The following GLMN variants were observed in gnomAD, a reference collection of about 807,000 sequenced individuals.
GLMN encodes the protein glomulin.
A neutral mutation model predicts 87.8 loss-of-function variants in GLMN; 75 were observed. That is an observed-to-expected ratio of 0.85 (90% CI 0.71 to 1.04). The LOEUF is 1.04. Among genes scored for constraint, GLMN ranks in the 50% least tolerant of loss-of-function variants. The probability of loss-of-function intolerance (pLI) is 0.00; values close to 1 mark genes in which losing one functional copy is unlikely to be tolerated. For synonymous variants in GLMN, 206 were observed against 221.6 expected (o/e 0.93, Z 0.63); for missense variants, 588 against 658.8 (o/e 0.89, Z 1.18).
chr1:92,249,267 CTTT>C (rs59926635), intron 16 of GLMN, among the ~76,000 whole-genome samples: 6 of 108,368 alleles, frequency 5.5e-5, no homozygotes, highest in African/African-American at 9.2e-5. Flanking sequence ...GATTACTATT[CTTT>C]TTTTTTTTTT....
At chr1:92,332,811 A>G in the GLMN span, among the ~76,000 whole-genome samples, 1 of 152,120 alleles carries the variant, frequency 6.6e-6, no homozygotes, top group South Asian at 2.1e-4. Context: ...CTCAATATCT[A>G]ATTAGAAAAT....
At position 92,267,905 on chromosome 1, in the gene GLMN, T is replaced by G; in HGVS notation, c.1098+8A>C. 8.1e-7 allele frequency: 1 copy of G among 1,239,108 alleles called. No individual in the cohort carries two copies. Among genetic ancestry groups the G allele is most frequent in the Non-Finnish European group, 1.2e-6 (1 of 837,770 alleles). 76.8% of individuals were successfully genotyped at this position (1,239,108 alleles called of 1,614,324 possible). ...TATTTTCAATATTAGAATACATATT[T>G]TATTTACCTGAGGTACAGTAAGAAA... On this transcript the variant is annotated splice_region_variant and intron_variant, in intron 11 of 18. Transcript: ENST00000370360.
At chr1:92,311,076 T>C in the GLMN span, among the ~76,000 whole-genome samples, 1 of 152,222 alleles carries the variant, frequency 6.6e-6, no homozygotes, top group African/African-American at 2.4e-5. Flanking sequence ...TTCTACTCTG[T>C]TGCTTTTTTA....
intron 13 of GLMN, among the ~76,000 whole-genome samples, chr1:92,266,009 T>C (rs772941444): frequency 6.6e-5 from 10 of 152,164 alleles, no homozygotes; most frequent in Middle Eastern, 3.2e-3. Context: ...AGAGCAGTAT[T>C]AGTAAGCTCT....
chr1:92,288,036 G>T (rs1365095735), intron 6 of GLMN, among the ~76,000 whole-genome samples: 2 of 143,334 alleles, frequency 1.4e-5, no homozygotes, highest in Non-Finnish European at 1.5e-5. Context: ...GTATTTTACT[G>T]TTTTTTTTTT....
the GLMN span, among the ~76,000 whole-genome samples, chr1:92,328,109 C>T: frequency 4.5e-4 from 68 of 152,310 alleles, no homozygotes; most frequent in African/African-American, 1.3e-3. Flanking sequence ...TCTTGACTTT[C>T]GATAACCTGA....
At chr1:92,279,119 A>C (rs1386689442) in intron 7 of GLMN, among the ~76,000 whole-genome samples, 1 of 151,738 alleles carries the variant, frequency 6.6e-6, no homozygotes, top group East Asian at 1.9e-4. Context: ...CTCCTTACCC[A>C]GCTTAAATTC....
intron 3 of GLMN, among the ~76,000 whole-genome samples, chr1:92,297,022 G>A (rs1392199983): frequency 6.6e-6 from 1 of 151,574 alleles, no homozygotes; most frequent in Non-Finnish European, 1.5e-5. Context: ...TTCAACTATA[G>A]CAATTATTTA....
chr1:92,306,078 G>A, the GLMN span, among the ~76,000 whole-genome samples: 2 of 152,172 alleles, frequency 1.3e-5, no homozygotes, highest in Admixed American at 1.3e-4. Flanking sequence ...CATGCTACAA[G>A]GTGGATGAAC....
At chr1:92,283,316 T>C (rs1648312457) in intron 7 of GLMN, among the ~76,000 whole-genome samples, 1 of 152,160 alleles carries the variant, frequency 6.6e-6, no homozygotes, top group East Asian at 1.9e-4. Context: ...CGGTTCAACA[T>C]ATGCAAATCA....
In GLMN at chr1:92,269,708, T is replaced by C. The variant is rs538759313; in HGVS notation, c.977+15A>G. 1.9e-6 allele frequency: 3 copies of C among 1,574,098 alleles called. 1 individual carries two copies. The South Asian group carries it at 3.3e-5, about 17-fold the overall frequency. ...ACTACTATTTCATTTTGAGATACCATCTAAACGATCTTACCTTTGCAAAAA... is the reference window on the plus strand; with the variant it reads ...ACTACTATTTCATTTTGAGATACCACCTAAACGATCTTACCTTTGCAAAAA... On this transcript the variant is annotated intron_variant, in intron 9 of 18. Coordinates refer to ENST00000370360, the MANE Select transcript of GLMN (RefSeq NM_053274.3).
chr1:92,304,039 C>T, the GLMN span: 1 of 1,612,906 alleles, frequency 6.2e-7, no homozygotes, highest in Non-Finnish European at 8.5e-7. Context: ...TTGTCAAACT[C>T]TGTGGTTATC....
chr1:92,368,196 C>T, the GLMN span, among the ~76,000 whole-genome samples: 3,027 of 152,126 alleles, frequency 0.02, 96 homozygotes, highest in African/African-American at 0.067. Context: ...CTGGCCAACA[C>T]GCTGAAACCC....
the GLMN span, chr1:92,333,205 CAAA>C: frequency 3.0e-4 from 163 of 543,614 alleles, no homozygotes; most frequent in South Asian, 1.6e-3. Flanking sequence ...GCAAATGACT[CAAA>C]GAAGTTCACA....
At chr1:92,324,114 C>G in the GLMN span, 1 of 1,614,020 alleles carries the variant, frequency 6.2e-7, no homozygotes, top group Non-Finnish European at 8.5e-7. Context: ...GTCTGAAACC[C>G]GAAGCCTCTC....
the GLMN span, among the ~76,000 whole-genome samples, chr1:92,328,173 T>C: frequency 6.6e-6 from 1 of 152,340 alleles, no homozygotes; most frequent in East Asian, 1.9e-4. Context: ...AGGTGTTCTT[T>C]GAGCTTCTTG....
the GLMN span, among the ~76,000 whole-genome samples, chr1:92,339,720 T>A: frequency 3.8e-4 from 58 of 152,240 alleles, no homozygotes; most frequent in African/African-American, 1.3e-3. Context: ...ATTATTATTA[T>A]TAATGAAAAA....
At chr1:92,258,635 CA>C (rs1248848513) in intron 16 of GLMN, among the ~76,000 whole-genome samples, 1 of 152,158 alleles carries the variant, frequency 6.6e-6, no homozygotes, top group African/African-American at 2.4e-5. Flanking sequence ...CCATCATTCT[CA>C]GCAAACTAAC....
the GLMN span, among the ~76,000 whole-genome samples, chr1:92,323,209 GAAT>G: frequency 6.6e-6 from 1 of 150,496 alleles, no homozygotes. Context: ...GATGAAGGAA[GAAT>G]ACAGAAGGAG....
Sources: allele counts gnomAD v4.1 joint callset (sites outside exome capture counted in the v4.1 genomes callset), GRCh38; gene constraint gnomAD v4.1.1; transcripts MANE v1.5; gene names NCBI Gene and HGNC (gene_info 2026-07-23, HGNC 2026-07-21).